The following RGSL1 variants were observed in gnomAD, a reference collection of about 807,000 sequenced individuals.
RGSL1 encodes regulator of G protein signaling like 1.
In RGSL1, 97 loss-of-function variants were observed where a neutral mutation model predicts 124.7. The ratio of observed to expected loss-of-function variants is 0.78; its 90% CI spans 0.66 to 0.92. The LOEUF (loss-of-function observed/expected upper bound fraction) is 0.92. RGSL1 is among the 40% of genes least tolerant of loss of function. The pLI is 0.00. For synonymous variants in RGSL1, 424 were observed against 438.1 expected, an observed-to-expected ratio of 0.97 and a Z score of 0.40; for missense variants, 1,233 against 1,288.4, an observed-to-expected ratio of 0.96 and a Z score of 0.66.
chr1:182,513,741 G>A (rs1041014763), intron 9 of RGSL1, among the ~76,000 whole-genome samples: 3 of 152,206 alleles, frequency 2.0e-5, no homozygotes, highest in Non-Finnish European at 1.5e-5. Context: ...GCCTATTTCT[G>A]CAACTTCTTC....
rs1349563013 is a variant in RGSL1 at position 182,458,325 on chromosome 1, G to A, written c.103G>A (p.Gly35Ser). ...TCCTAGCTTTGTTTTGCAGGTTTTT[G>A]GTCAGACACCATTTTATACTGTTGA... Reference protein sequence around the residue: ...FNTFLSLPVFGQTPFYTVENS... With the variant: ...FNTFLSLPVFSQTPFYTVENS... Residue 35 changes from glycine (G) to serine (S), a missense_variant, in exon 3 of 22, where the codon GGT (glycine) becomes AGT (serine). By Grantham distance (56) the Gly-to-Ser change is moderately conservative. Coordinates refer to ENST00000294854, the MANE Select transcript of RGSL1 (RefSeq NM_001137669.2). 6.4e-7 allele frequency: 1 copy of A among 1,551,748 alleles called. No homozygotes were observed. Among genetic ancestry groups the A allele is most frequent in the Non-Finnish European group, 8.7e-7 (1 of 1,146,818 alleles).
intron 8 of RGSL1, 87 bp downstream of exon 8, chr1:182,489,289 G>T (rs765261792): frequency 2.8e-5 from 34 of 1,206,088 alleles, no homozygotes; most frequent in South Asian, 4.3e-5. Flanking sequence ...TTTACTAAGC[G>T]TCAGCACTAT....
intron 9 of RGSL1, among the ~76,000 whole-genome samples, chr1:182,511,907 G>A (rs1657491413): frequency 6.6e-6 from 1 of 151,722 alleles, no homozygotes; most frequent in Admixed American, 6.6e-5. Flanking sequence ...CTTCTTTTTT[G>A]TTTCTTTCAT....
At chr1:182,548,252 G>A in intron 15 of RGSL1, 65 bp from the exon 16 acceptor site, 2 of 1,525,390 alleles carry the variant, frequency 1.3e-6, no homozygotes, top group East Asian at 2.5e-5. Context: ...GTCTAGGCTG[G>A]GTGCCTTGTT....
At chr1:182,532,418 A>G (rs1056479995) in intron 13 of RGSL1, among the ~76,000 whole-genome samples, 1 of 152,196 alleles carries the variant, frequency 6.6e-6, no homozygotes, top group African/African-American at 2.4e-5. Context: ...TAGAAGGAGC[A>G]TGGGCAAATG....
chr1:182,493,860 T>A (rs1655712311), intron 9 of RGSL1, among the ~76,000 whole-genome samples: 1 of 152,192 alleles, frequency 6.6e-6, no homozygotes, highest in Non-Finnish European at 1.5e-5. Context: ...CACCCACTAC[T>A]GTCCATTTGC....
rs1314968583 is a variant in RGSL1 at position 182,454,147 on chromosome 1, C to T, written c.96+107C>T. ...TTGTTTGTTGTTATTTGGGGTTTTA[C>T]TAAATGTCTTCTTAAATAAAAAAAC... On this transcript the variant is annotated intron_variant, in intron 2 of 21. Transcript: ENST00000294854. 6 of 677,440 alleles carry T rather than the reference C, an allele frequency of 8.9e-6. No homozygotes were observed. In the South Asian group the frequency reaches 1.1e-4, roughly 12 times the overall value. 42.0% of individuals were successfully genotyped at this position (677,440 alleles called of 1,614,324 possible). A position where few individuals can be genotyped will look rare whatever the true frequency, so the allele number is the denominator to read the frequency against.
chr1:182,543,381 G>A (rs552194909), intron 15 of RGSL1, among the ~76,000 whole-genome samples: 6 of 152,210 alleles, frequency 3.9e-5, no homozygotes, highest in African/African-American at 1.4e-4. Context: ...AATCACCCTT[G>A]TATTCCTGGG....
intron 4 of RGSL1, among the ~76,000 whole-genome samples, chr1:182,469,421 C>T (rs139613936): frequency 0.014 from 2,191 of 152,108 alleles, 26 homozygotes; most frequent in Non-Finnish European, 0.024. Flanking sequence ...AGATGCTCTA[C>T]GGGACTAATC....
intron 17 of RGSL1, chr1:182,550,701 AT>A (rs1660503788): frequency 5.8e-6 from 1 of 171,900 alleles, no homozygotes; most frequent in South Asian, 1.8e-4. Context: ...GGAAACTAGG[AT>A]TAGGACCTGA....
At chr1:182,559,145 C>G (rs1486348422) in intron 21 of RGSL1, among the ~76,000 whole-genome samples, 1 of 152,154 alleles carries the variant, frequency 6.6e-6, no homozygotes, top group Non-Finnish European at 1.5e-5. Context: ...CCCTGTGGCT[C>G]TCCTGTTGAA....
chr1:182,453,912 A>G (rs1003005844), intron 1 of RGSL1, 46 bp from the exon 2 acceptor site: 1 of 1,030,868 alleles, frequency 9.7e-7, no homozygotes, highest in East Asian at 2.6e-5. Flanking sequence ...ACCTGAATGC[A>G]ATTCTGGTTC....
chr1:182,555,993 T>A, intron 20 of RGSL1, 31 bp from the exon 21 acceptor site: 2 of 1,541,970 alleles, frequency 1.3e-6, no homozygotes, highest in Non-Finnish European at 1.8e-6. Context: ...GCATCATAAT[T>A]GTGATAACTG....
chr1:182,488,358 CT>C lies in RGSL1; in HGVS notation c.1494+14del. On this transcript the variant is annotated intron_variant, in intron 7 of 21. Coordinates refer to ENST00000294854, the MANE Select transcript of RGSL1 (RefSeq NM_001137669.2). ...TTTCTCCTTTTTACGGTAGGAAGGA[CT>C]TTGGGTTAGGAAGGAATCATGAGGA... 1 of 1,550,988 alleles carries C rather than the reference CT, an allele frequency of 6.4e-7. No homozygotes were observed. The highest frequency in any genetic ancestry group is 1.2e-5 in the South Asian group (1 of 84,032).
chr1:182,538,499 GC>G (rs1428290828), intron 14 of RGSL1, among the ~76,000 whole-genome samples: 1 of 151,574 alleles, frequency 6.6e-6, no homozygotes, highest in East Asian at 1.9e-4. Flanking sequence ...CTGCACTCCA[GC>G]CTGGACAACA....
intron 9 of RGSL1, among the ~76,000 whole-genome samples, chr1:182,493,569 G>A (rs563308103): frequency 1.3e-5 from 2 of 152,354 alleles, no homozygotes; most frequent in Non-Finnish European, 2.9e-5. Context: ...ACAGGCCTCA[G>A]CAGATGCCAT....
intron 9 of RGSL1, among the ~76,000 whole-genome samples, chr1:182,515,973 T>C (rs1657861617): frequency 6.6e-6 from 1 of 152,134 alleles, no homozygotes; most frequent in Non-Finnish European, 1.5e-5. Flanking sequence ...GCAAAATCCT[T>C]AACATTATAA....
intron 9 of RGSL1, among the ~76,000 whole-genome samples, chr1:182,495,567 C>G (rs1655850468): frequency 6.6e-6 from 1 of 152,240 alleles, no homozygotes; most frequent in African/African-American, 2.4e-5. Flanking sequence ...TGGGCTACTT[C>G]TCTTTCCACA....
intron 19 of RGSL1, 110 bp from the exon 20 acceptor site, chr1:182,554,517 G>T: frequency 2.4e-6 from 2 of 838,936 alleles, no homozygotes; most frequent in Non-Finnish European, 2.0e-6. Flanking sequence ...CCCCTACATT[G>T]GAGGTGTCCG....
Sources: allele counts gnomAD v4.1 joint callset (sites outside exome capture counted in the v4.1 genomes callset), GRCh38; gene constraint gnomAD v4.1.1; transcripts MANE v1.5; gene names NCBI Gene and HGNC (gene_info 2026-07-23, HGNC 2026-07-21).